The following NRCAM variants were observed in gnomAD, a reference collection of about 807,000 sequenced individuals.
NRCAM encodes NgCAM-related cell adhesion molecule.
Under a neutral mutation model 156.5 loss-of-function variants are expected in NRCAM, and 83 were observed. The observed-to-expected ratio is 0.53, with a 90% CI of 0.44 to 0.64. The LOEUF is 0.64. NRCAM is among the 30% of genes least tolerant of loss of function. NRCAM has a pLI of 0.00. For missense variants in NRCAM, 1,417 were observed against 1,597.3 expected (o/e 0.89, Z 1.92); for synonymous variants, 538 against 563.9 (o/e 0.95, Z 0.65).
At chr7:108,399,014 T>G (rs1327595423) in intron 2 of NRCAM, among the ~76,000 whole-genome samples, 1 of 152,212 alleles carries the variant, frequency 6.6e-6, no homozygotes, top group Non-Finnish European at 1.5e-5. Context: ...TACCTCATGG[T>G]TTACAAAGTG....
At chr7:108,320,106 TAAA>T (rs1298237334) in intron 2 of NRCAM, among the ~76,000 whole-genome samples, 2 of 152,036 alleles carry the variant, frequency 1.3e-5, no homozygotes, top group Non-Finnish European at 2.9e-5. Flanking sequence ...TATCATAAGA[TAAA>T]AAATTATTAA....
intron 31 of NRCAM, 57 bp from the exon 32 acceptor site, chr7:108,159,598 G>T: frequency 7.6e-7 from 1 of 1,312,714 alleles, no homozygotes. Flanking sequence ...CTTATTCAAA[G>T]TCCATGAAAG....
intron 2 of NRCAM, among the ~76,000 whole-genome samples, chr7:108,352,691 C>T (rs773435343): frequency 2.0e-4 from 30 of 152,186 alleles, no homozygotes; most frequent in Middle Eastern, 3.4e-3. Context: ...GTTAATTTTT[C>T]CTGAAAATCA....
chr7:108,348,680 G>A (rs1242778046), intron 2 of NRCAM, among the ~76,000 whole-genome samples: 1 of 152,072 alleles, frequency 6.6e-6, no homozygotes, highest in Non-Finnish European at 1.5e-5. Flanking sequence ...CTGGGAGGCC[G>A]AGGCAAGTGG....
chr7:108,417,407 G>A (rs1160707531), intron 1 of NRCAM, among the ~76,000 whole-genome samples: 1 of 152,122 alleles, frequency 6.6e-6, no homozygotes, highest in Non-Finnish European at 1.5e-5. Flanking sequence ...ACACAGGGAA[G>A]GGGGCCAAAC....
At chr7:108,271,709 A>G (rs1409802727) in intron 3 of NRCAM, among the ~76,000 whole-genome samples, 1 of 151,440 alleles carries the variant, frequency 6.6e-6, no homozygotes, top group Non-Finnish European at 1.5e-5. Context: ...AAAAAAAAAG[A>G]ACCTAACAAA....
At chr7:108,406,182 T>A (rs1487675295) in intron 1 of NRCAM, among the ~76,000 whole-genome samples, 2 of 151,702 alleles carry the variant, frequency 1.3e-5, no homozygotes, top group African/African-American at 4.8e-5. Flanking sequence ...CTGGCTGGAA[T>A]CAGGCAGTAA....
At chr7:108,319,427 C>T (rs1224683904) in intron 2 of NRCAM, among the ~76,000 whole-genome samples, 1 of 152,166 alleles carries the variant, frequency 6.6e-6, no homozygotes, top group Non-Finnish European at 1.5e-5. Context: ...CTTATCACCT[C>T]GTTATGCAAA....
rs1255520842 is a variant in NRCAM at position 108,331,394 on chromosome 7, C to T, written c.-173-18663G>A. ...CCATCCTGGGCAACAGAGTGAGACC[C>T]TGTCTCTAAACTTAAAAAAAAAAAT... is the stretch of plus-strand genomic sequence containing the variant. On this transcript the variant is annotated intron_variant, in intron 2 of 32. Transcript: ENST00000379028. Among the ~76,000 whole-genome samples, 4 of 151,776 alleles carry T rather than the reference C, an allele frequency of 2.6e-5. No homozygotes were observed. In the South Asian group the frequency reaches 8.3e-4, roughly 32 times the overall value.
At chr7:108,196,512 AT>A (rs1301400591) in intron 14 of NRCAM, among the ~76,000 whole-genome samples, 1 of 152,232 alleles carries the variant, frequency 6.6e-6, no homozygotes, top group East Asian at 1.9e-4. Context: ...CTGGTTAAAA[AT>A]GGGCAAGGCA....
intron 3 of NRCAM, among the ~76,000 whole-genome samples, chr7:108,246,868 T>C (rs149205643): frequency 1.6e-4 from 24 of 152,344 alleles, no homozygotes; most frequent in Admixed American, 1.4e-3. Context: ...TGCCCTTGCA[T>C]AGTCAACTCT....
intron 8 of NRCAM, among the ~76,000 whole-genome samples, chr7:108,228,148 C>T (rs147635346): frequency 1.8e-3 from 273 of 152,102 alleles, no homozygotes; most frequent in African/African-American, 6.2e-3. Flanking sequence ...ATGGCAAAAC[C>T]CTGTCTCTAC....
intron 30 of NRCAM, 61 bp downstream of exon 30, chr7:108,166,860 G>A (rs2054699729): frequency 6.5e-7 from 1 of 1,529,170 alleles, no homozygotes; most frequent in Non-Finnish European, 9.0e-7. Context: ...ATCTCCAGCT[G>A]GAGCACCTGG....
chr7:108,363,830 T>C (rs1411449554), intron 2 of NRCAM, among the ~76,000 whole-genome samples: 4 of 152,208 alleles, frequency 2.6e-5, no homozygotes, highest in South Asian at 4.1e-4. Flanking sequence ...ACAAAAAATA[T>C]CTGATCAATT....
chr7:108,455,741 G>C (rs1409176021), intron 1 of NRCAM, among the ~76,000 whole-genome samples: 1 of 152,190 alleles, frequency 6.6e-6, no homozygotes, highest in African/African-American at 2.4e-5. Context: ...GCCCGAACAG[G>C]CACACGCCCG....
chr7:108,413,726 C>T (rs1859766), intron 1 of NRCAM, among the ~76,000 whole-genome samples: 134,695 of 152,240 alleles, frequency 0.88, 59,661 homozygotes, highest in East Asian at 0.95. Flanking sequence ...AAATATTTAT[C>T]AAACATTTAT....
chr7:108,280,360 T>C (rs1218611107), intron 3 of NRCAM, among the ~76,000 whole-genome samples: 2 of 152,234 alleles, frequency 1.3e-5, no homozygotes, highest in Admixed American at 6.5e-5. Context: ...CGATTGCCAA[T>C]GCAGTTTTGA....
At chr7:108,329,346 G>A (rs1218125445) in intron 2 of NRCAM, among the ~76,000 whole-genome samples, 1 of 152,088 alleles carries the variant, frequency 6.6e-6, no homozygotes, top group Admixed American at 6.6e-5. Context: ...AGTAATAGAA[G>A]GTATTTCTAA....
At chr7:108,214,323 G>A (rs969005979) in intron 11 of NRCAM, among the ~76,000 whole-genome samples, 1 of 152,068 alleles carries the variant, frequency 6.6e-6, no homozygotes, top group Non-Finnish European at 1.5e-5. Context: ...GTTTAGTCTT[G>A]GGAGGGTGAA....
Sources: gnomAD v4.1 joint callset for allele counts (sites outside exome capture counted in the v4.1 genomes callset) on GRCh38, gnomAD v4.1.1 for gene constraint, MANE v1.5 for transcripts, NCBI Gene and HGNC (gene_info 2026-07-23, HGNC 2026-07-21) for gene names.